The following DNAJC1 variants were observed in gnomAD, a reference collection of about 807,000 sequenced individuals.
DNAJC1 encodes dnaJ homolog subfamily C member 1.
A neutral mutation model predicts 76.6 loss-of-function variants in DNAJC1; 58 were observed. The observed-to-expected ratio is 0.76, with a 90% confidence interval of 0.61 to 0.94. The LOEUF is 0.94. DNAJC1 is among the 40% of genes least tolerant of loss of function. The probability of loss-of-function intolerance (pLI) is 0.00; values close to 1 mark genes in which losing one functional copy is unlikely to be tolerated. For missense variants in DNAJC1, 689 were observed against 677.3 expected (o/e 1.02, Z -0.19); for synonymous variants, 258 against 267.9 (o/e 0.96, Z 0.36).
chr10:21,859,844 C>T (rs964680234), intron 8 of DNAJC1, among the ~76,000 whole-genome samples: 1 of 151,898 alleles, frequency 6.6e-6, no homozygotes, highest in African/African-American at 2.4e-5. Flanking sequence ...AGTACAGTGG[C>T]ACGATCTCAG....
chr10:21,979,273 T>G (rs1262667534), intron 1 of DNAJC1, among the ~76,000 whole-genome samples: 1 of 152,080 alleles, frequency 6.6e-6, no homozygotes, highest in African/African-American at 2.4e-5. Flanking sequence ...GATCAATCTC[T>G]GAGTGCAGCT....
chr10:21,972,450 T>C (rs567718403), intron 1 of DNAJC1, among the ~76,000 whole-genome samples: 3 of 152,138 alleles, frequency 2.0e-5, no homozygotes, highest in African/African-American at 7.2e-5. Context: ...CTAAAATAAA[T>C]GCAACAATAT....
rs1052221796 is a variant in DNAJC1 at position 21,929,110 on chromosome 10, T to C, written c.254A>G (p.Tyr85Cys). The C allele has an allele frequency of 6.2e-7, 1 of 1,612,624 alleles. No individual in the cohort carries two copies. The highest frequency in any genetic ancestry group is 1.3e-5 in the African/African-American group (1 of 74,986). The change falls in exon 2 of 12, where the codon TAT becomes TGT. Residue 85 changes from tyrosine to cysteine, a missense_variant. Physicochemically the swap from Tyr to Cys is radical, Grantham distance 194. Coordinates refer to ENST00000376980, the MANE Select transcript of DNAJC1 (RefSeq NM_022365.4). Reference protein sequence around the residue: ...DASSADIRKAYRKLSLTLHPD... With the variant: ...DASSADIRKACRKLSLTLHPD... ...ATGTAAAGTTAGTGAAAGCTTACGATATGCTTTTCTGATGTCTGCAGATGA... is the reference window on the plus strand; with the variant it reads ...ATGTAAAGTTAGTGAAAGCTTACGACATGCTTTTCTGATGTCTGCAGATGA...
intron 1 of DNAJC1, among the ~76,000 whole-genome samples, chr10:21,973,566 GA>G (rs748706592): frequency 1.6e-4 from 25 of 152,224 alleles, no homozygotes; most frequent in Non-Finnish European, 3.4e-4. Context: ...CTAAATTGCT[GA>G]AATGAGCTGT....
chr10:21,894,267 C>T (rs1304840183), intron 7 of DNAJC1, among the ~76,000 whole-genome samples: 1 of 152,210 alleles, frequency 6.6e-6, no homozygotes, highest in African/African-American at 2.4e-5. Flanking sequence ...TAGACATTCT[C>T]TTTCAGAAAA....
At chr10:21,879,000 A>C (rs1836230044) in intron 8 of DNAJC1, among the ~76,000 whole-genome samples, 1 of 152,232 alleles carries the variant, frequency 6.6e-6, no homozygotes, top group African/African-American at 2.4e-5. Flanking sequence ...AATACACTGA[A>C]TAGAGGAAAT....
At chr10:21,836,613 A>C (rs1307117037) in intron 8 of DNAJC1, among the ~76,000 whole-genome samples, 1 of 152,186 alleles carries the variant, frequency 6.6e-6, no homozygotes, top group Non-Finnish European at 1.5e-5. Context: ...CATAGGCTCA[A>C]AATAATGGGA....
intron 8 of DNAJC1, among the ~76,000 whole-genome samples, chr10:21,808,178 T>G (rs1327643681): frequency 6.6e-6 from 1 of 152,198 alleles, no homozygotes; most frequent in African/African-American, 2.4e-5. Context: ...ATTTCTATGT[T>G]ATTTTAACAT....
intron 8 of DNAJC1, among the ~76,000 whole-genome samples, chr10:21,813,210 C>CTATA (rs1835010406): frequency 4.9e-5 from 3 of 61,446 alleles, no homozygotes; most frequent in Non-Finnish European, 8.4e-5. Context: ...CTCTCTCTCT[C>CTATA]TCTCTCTCTC....
chr10:21,908,175 A>G (rs1405822359), intron 6 of DNAJC1, among the ~76,000 whole-genome samples: 3 of 111,168 alleles, frequency 2.7e-5, no homozygotes, highest in Admixed American at 1.3e-4. Flanking sequence ...TATATAATAT[A>G]TAATATATAA....
intron 10 of DNAJC1, among the ~76,000 whole-genome samples, chr10:21,763,653 C>A (rs1009296548): frequency 3.5e-5 from 5 of 143,672 alleles, no homozygotes; most frequent in Non-Finnish European, 6.0e-5. Flanking sequence ...TCTTTAAATT[C>A]AAAAACTTTT....
chr10:21,972,020 T>A (rs1454696266), intron 1 of DNAJC1, among the ~76,000 whole-genome samples: 1 of 151,956 alleles, frequency 6.6e-6, no homozygotes, highest in Non-Finnish European at 1.5e-5. Context: ...TGCATAAAAT[T>A]AAAAACTACA....
intron 1 of DNAJC1, among the ~76,000 whole-genome samples, chr10:21,961,100 A>T (rs2131817927): frequency 6.6e-6 from 1 of 152,372 alleles, no homozygotes; most frequent in Non-Finnish European, 1.5e-5. Flanking sequence ...GATGTGGAGA[A>T]ATTTGAGCCT....
In DNAJC1 at chr10:21,959,800, C is replaced by CA. The variant is rs199556961; in HGVS notation, c.223-30660dup. On this transcript the variant is annotated intron_variant, in intron 1 of 11. Transcript: ENST00000376980. ...GACTCCATCTCAAAAAAAACAAAAA[C>CA]AAAAAAAAAAAAAAGAAGAGAGAAA... is the stretch of plus-strand genomic sequence containing the variant. Among the ~76,000 whole-genome samples the CA allele has an allele frequency of 2.6e-3, 357 of 138,836 alleles. 10 individuals carry two copies. The highest frequency in any genetic ancestry group is 3.2e-3 in the East Asian group (15 of 4,744). The allele number at this position is 138,836 out of a possible 152,430, so 91.1% of individuals were successfully genotyped here.
intron 9 of DNAJC1, among the ~76,000 whole-genome samples, chr10:21,781,075 G>A (rs918955413): frequency 6.6e-6 from 1 of 152,134 alleles, no homozygotes; most frequent in Non-Finnish European, 1.5e-5. Flanking sequence ...CCCTATTCAG[G>A]AGCACCCAGA....
intron 8 of DNAJC1, among the ~76,000 whole-genome samples, chr10:21,844,572 T>A (rs1214111916): frequency 1.3e-5 from 2 of 152,152 alleles, no homozygotes; most frequent in Non-Finnish European, 2.9e-5. Flanking sequence ...AAACTATTAT[T>A]CAACTTTGCA....
intron 8 of DNAJC1, among the ~76,000 whole-genome samples, chr10:21,853,412 C>T (rs538866231): frequency 6.6e-6 from 1 of 152,092 alleles, no homozygotes; most frequent in South Asian, 2.1e-4. Context: ...TGTAGATTAA[C>T]CCTGGGAGAG....
intron 8 of DNAJC1, among the ~76,000 whole-genome samples, chr10:21,853,355 GTACTATATATTGA>G (rs1564808447): frequency 6.6e-6 from 1 of 151,934 alleles, no homozygotes; most frequent in Non-Finnish European, 1.5e-5. Context: ...GTCTTTCATG[GTACTATATATTGA>G]TAAAGGGTCT....
At chr10:21,876,481 T>C (rs994903853) in intron 8 of DNAJC1, among the ~76,000 whole-genome samples, 1 of 152,224 alleles carries the variant, frequency 6.6e-6, no homozygotes, top group Non-Finnish European at 1.5e-5. Flanking sequence ...AATTTGAATG[T>C]CAATTTCTCC....
Sources: allele counts gnomAD v4.1 joint callset (sites outside exome capture counted in the v4.1 genomes callset), GRCh38; gene constraint gnomAD v4.1.1; transcripts MANE v1.5; gene names NCBI Gene and HGNC (gene_info 2026-07-23, HGNC 2026-07-21).